The following ST6GALNAC5 variants were observed in gnomAD, a reference collection of about 807,000 sequenced individuals.
ST6GALNAC5 encodes alpha-N-acetylgalactosaminide alpha-2,6-sialyltransferase 5.
In ST6GALNAC5, 27 loss-of-function variants were observed where a neutral mutation model predicts 33.6. That is an observed-to-expected ratio of 0.80 (90% CI 0.59 to 1.11). ST6GALNAC5 has a LOEUF of 1.11. Among genes scored for constraint, ST6GALNAC5 ranks in the 50% least tolerant of loss-of-function variants. The pLI, the probability that ST6GALNAC5 is intolerant of heterozygous loss-of-function variation, is 0.00. For synonymous variants in ST6GALNAC5, 194 were observed against 171.2 expected (o/e 1.13, Z -1.04); for missense variants, 428 against 454.0 (o/e 0.94, Z 0.52).
At chr1:76,879,913 A>T (rs1653738334) in intron 2 of ST6GALNAC5, among the ~76,000 whole-genome samples, 1 of 152,166 alleles carries the variant, frequency 6.6e-6, no homozygotes, top group African/African-American at 2.4e-5. Context: ...GAGGCTGTGC[A>T]TGCACCTTTT....
Position 77,065,118 on chromosome 1 carries a change from G to A in ST6GALNAC5, c.*1912G>A, listed in dbSNP as rs1652729355. 6.6e-6 allele frequency: 1 copy of A among 152,104 alleles called. No homozygotes were observed. The highest frequency in any genetic ancestry group is 1.5e-5 in the Non-Finnish European group (1 of 68,014). The allele number at this position is 152,104 out of a possible 1,614,324, so 9.4% of individuals were successfully genotyped here. Reference sequence around the variant, plus strand: ...CATTGTCTTCCACAGCATGGACTCTGAACACATCATACTTTATCAACATAT... The same window carrying A: ...CATTGTCTTCCACAGCATGGACTCTAAACACATCATACTTTATCAACATAT... On this transcript the variant is annotated 3_prime_UTR_variant, in exon 5 of 5. Transcript: ENST00000477717.
At chr1:76,967,058 CT>C (rs991867822) in intron 2 of ST6GALNAC5, among the ~76,000 whole-genome samples, 2 of 152,096 alleles carry the variant, frequency 1.3e-5, no homozygotes, top group Non-Finnish European at 2.9e-5. Flanking sequence ...CTAAAATTCT[CT>C]TTTTTTGTTG....
chr1:76,898,524 G>T (rs1646781498), intron 2 of ST6GALNAC5, among the ~76,000 whole-genome samples: 1 of 152,108 alleles, frequency 6.6e-6, no homozygotes, highest in South Asian at 2.1e-4. Flanking sequence ...GAATAAGATG[G>T]CCTTTTGACC....
intron 2 of ST6GALNAC5, among the ~76,000 whole-genome samples, chr1:76,968,384 A>G (rs1309558797): frequency 2.0e-5 from 3 of 152,068 alleles, no homozygotes; most frequent in African/African-American, 7.2e-5. Context: ...AGTCTGTTTT[A>G]TCAGAGACTA....
intron 2 of ST6GALNAC5, among the ~76,000 whole-genome samples, chr1:77,015,752 G>A (rs903692560): frequency 1.3e-5 from 2 of 151,996 alleles, no homozygotes; most frequent in African/African-American, 4.8e-5. Flanking sequence ...TCAAGAACAA[G>A]CAGGAGTGAA....
chr1:77,048,385 G>T (rs1203884207), intron 3 of ST6GALNAC5, among the ~76,000 whole-genome samples: 2 of 152,152 alleles, frequency 1.3e-5, no homozygotes, highest in Non-Finnish European at 2.9e-5. Flanking sequence ...CACTCACCCA[G>T]ATTAGGTCTA....
chr1:76,923,911 G>A (rs1300505625), intron 2 of ST6GALNAC5, among the ~76,000 whole-genome samples: 1 of 151,954 alleles, frequency 6.6e-6, no homozygotes, highest in African/African-American at 2.4e-5. Flanking sequence ...AAAATTAATG[G>A]ACATTCCAAA....
intron 2 of ST6GALNAC5, among the ~76,000 whole-genome samples, chr1:76,973,672 C>T (rs1025159267): frequency 2.6e-5 from 4 of 151,982 alleles, no homozygotes; most frequent in Admixed American, 2.0e-4. Flanking sequence ...GAAGATCCAC[C>T]CCCACTCCAA....
At chr1:76,961,856 G>A (rs183830928) in intron 2 of ST6GALNAC5, among the ~76,000 whole-genome samples, 1 of 152,188 alleles carries the variant, frequency 6.6e-6, no homozygotes, top group Admixed American at 6.5e-5. Flanking sequence ...TACTAATAAT[G>A]TTCTTCTCCC....
At chr1:76,967,162 A>G (rs369162066) in intron 2 of ST6GALNAC5, among the ~76,000 whole-genome samples, 1 of 152,210 alleles carries the variant, frequency 6.6e-6, no homozygotes, top group East Asian at 1.9e-4. Flanking sequence ...GAATACTTTC[A>G]GAAGGAATGG....
In ST6GALNAC5 at chr1:76,921,351, G is replaced by A. The variant is rs145846893; in HGVS notation, c.261+52609G>A. On this transcript the variant is annotated intron_variant, in intron 2 of 4. Transcript: ENST00000477717. ...TTCCCCTCTTGGGGACTGATCTTCA[G>A]TACAAAGAAAAGTAAGAAATACAGA... Among the ~76,000 whole-genome samples the A allele has an allele frequency of 1.6e-3, 248 of 152,148 alleles. 1 individual carries two copies. The highest frequency in any genetic ancestry group is 5.4e-3 in the African/African-American group (226 of 41,548).
chr1:76,935,367 T>TA (rs889818444), intron 2 of ST6GALNAC5, among the ~76,000 whole-genome samples: 38 of 152,192 alleles, frequency 2.5e-4, no homozygotes, highest in African/African-American at 8.4e-4. Flanking sequence ...ATTCATTTTT[T>TA]AAAAATCCCA....
chr1:77,040,721 A>C (rs1478723323), intron 2 of ST6GALNAC5, among the ~76,000 whole-genome samples: 2 of 152,202 alleles, frequency 1.3e-5, no homozygotes, highest in African/African-American at 4.8e-5. Context: ...CCTAGTAATA[A>C]TGACTACAGT....
chr1:76,919,266 C>T (rs1456780949), intron 2 of ST6GALNAC5, among the ~76,000 whole-genome samples: 1 of 152,072 alleles, frequency 6.6e-6, no homozygotes, highest in Admixed American at 6.6e-5. Context: ...CAGTGCCTCC[C>T]GTCTTGGGCT....
rs538312434 is a variant in ST6GALNAC5 at position 76,896,237 on chromosome 1, T to G, written c.261+27495T>G. ...AAAGGCCTCTACCTATCCAGTGAAATTGTCTACCTAGACTAAGCGGTATTT... is the reference window on the plus strand; with the variant it reads ...AAAGGCCTCTACCTATCCAGTGAAAGTGTCTACCTAGACTAAGCGGTATTT... On this transcript the variant is annotated intron_variant, in intron 2 of 4. Coordinates refer to ENST00000477717, the MANE Select transcript of ST6GALNAC5 (RefSeq NM_030965.3). Among the ~76,000 whole-genome samples the G allele has an allele frequency of 1.6e-4, 25 of 152,204 alleles. No individual in the cohort carries two copies. In the East Asian group the frequency reaches 4.5e-3, roughly 27 times the overall value.
chr1:77,034,842 C>T (rs779692947), intron 2 of ST6GALNAC5, among the ~76,000 whole-genome samples: 49 of 152,276 alleles, frequency 3.2e-4, no homozygotes, highest in Non-Finnish European at 4.9e-4. Flanking sequence ...GATTCCTTTT[C>T]GGTGAGTACC....
chr1:76,916,012 T>TA (rs1489048832), intron 2 of ST6GALNAC5, among the ~76,000 whole-genome samples: 1 of 149,814 alleles, frequency 6.7e-6, no homozygotes, highest in Non-Finnish European at 1.5e-5. Context: ...CATCTGCATT[T>TA]TAAAAAAAAA....
chr1:76,894,422 C>CAAGT (rs1254733165), intron 2 of ST6GALNAC5, among the ~76,000 whole-genome samples: 1 of 151,802 alleles, frequency 6.6e-6, no homozygotes, highest in African/African-American at 2.4e-5. Flanking sequence ...AGAAGTCAGC[C>CAAGT]AAGTGTAGGT....
intron 2 of ST6GALNAC5, among the ~76,000 whole-genome samples, chr1:76,928,349 C>T (rs1362080474): frequency 6.6e-6 from 1 of 152,080 alleles, no homozygotes; most frequent in African/African-American, 2.4e-5. Flanking sequence ...TGTGCTGCAC[C>T]AAAATTGTGC....
Sources: allele counts gnomAD v4.1 joint callset (sites outside exome capture counted in the v4.1 genomes callset), GRCh38; gene constraint gnomAD v4.1.1; transcripts MANE v1.5; gene names NCBI Gene and HGNC (gene_info 2026-07-23, HGNC 2026-07-21).